The following DGKB variants were observed in gnomAD, a reference collection of about 807,000 sequenced individuals.
DGKB encodes the protein 90 kDa diacylglycerol kinase.
DGKB carries 67 observed loss-of-function variants against 114.3 expected under a neutral mutation model. That is an observed-to-expected ratio of 0.59 (90% CI 0.48 to 0.72). DGKB has a LOEUF of 0.72. Ranked by LOEUF, DGKB falls within the 30% of genes least tolerant of loss-of-function variation. DGKB has a pLI of 0.00. For missense variants in DGKB, 907 were observed against 975.2 expected (o/e 0.93, Z 0.93); for synonymous variants, 398 against 323.1 (o/e 1.23, Z -2.49).
At chr7:14,262,335 G>T (rs930682084) in intron 23 of DGKB, among the ~76,000 whole-genome samples, 2 of 152,164 alleles carry the variant, frequency 1.3e-5, no homozygotes, top group African/African-American at 4.8e-5. Flanking sequence ...AGGTAATTAG[G>T]TCATGAGGGT....
chr7:14,554,810 C>A (rs1228110680), intron 20 of DGKB, among the ~76,000 whole-genome samples: 1 of 151,968 alleles, frequency 6.6e-6, no homozygotes, highest in Non-Finnish European at 1.5e-5. Context: ...GGATTTTTTT[C>A]ATCTGGCTAT....
At chr7:14,692,612 T>C (rs1025669445) in intron 9 of DGKB, among the ~76,000 whole-genome samples, 1 of 151,620 alleles carries the variant, frequency 6.6e-6, no homozygotes, top group African/African-American at 2.4e-5. Context: ...TTATGTGTAG[T>C]ATAAGAAATT....
intron 13 of DGKB, among the ~76,000 whole-genome samples, chr7:14,647,587 T>C (rs2128889376): frequency 6.6e-6 from 1 of 151,798 alleles, no homozygotes; most frequent in East Asian, 2.0e-4. Context: ...CTCTACCAAA[T>C]AATAGCAAAG....
chr7:14,340,683 T>A (rs1295108353), intron 22 of DGKB, among the ~76,000 whole-genome samples: 1 of 151,690 alleles, frequency 6.6e-6, no homozygotes, highest in Non-Finnish European at 1.5e-5. Context: ...CATATTTAAG[T>A]ATTACACGAA....
chr7:14,825,034 A>ATATATC (rs1562636831), intron 2 of DGKB, among the ~76,000 whole-genome samples: 11 of 141,668 alleles, frequency 7.8e-5, no homozygotes, highest in African/African-American at 2.8e-4. Flanking sequence ...ATATATATAT[A>ATATATC]TATATATATA....
chr7:14,834,245 G>C (rs1259883703), intron 2 of DGKB, among the ~76,000 whole-genome samples: 1 of 152,068 alleles, frequency 6.6e-6, no homozygotes, highest in Non-Finnish European at 1.5e-5. Flanking sequence ...TTTATAGGTA[G>C]GGATTATTAT....
intron 22 of DGKB, among the ~76,000 whole-genome samples, chr7:14,343,199 A>ACACACACAC (rs1554366272): frequency 5.5e-5 from 8 of 146,464 alleles, no homozygotes; most frequent in African/African-American, 1.3e-4. Context: ...ACACACACAC[A>ACACACACAC]ACAAGATATG....
chr7:14,659,416 A>C (rs569748489), intron 13 of DGKB, among the ~76,000 whole-genome samples: 1 of 151,524 alleles, frequency 6.6e-6, no homozygotes, highest in Admixed American at 6.6e-5. Flanking sequence ...CTTGAGCAGT[A>C]GTTTGTAGTT....
intron 2 of DGKB, among the ~76,000 whole-genome samples, chr7:14,800,234 C>G (rs1012109903): frequency 3.3e-5 from 5 of 152,168 alleles, no homozygotes; most frequent in Non-Finnish European, 7.3e-5. Context: ...TTTTCAAAAA[C>G]AGCTATGGTC....
chr7:14,592,751 GTTATTTCATGTTT>G (rs908597201), intron 17 of DGKB, among the ~76,000 whole-genome samples: 2 of 151,416 alleles, frequency 1.3e-5, no homozygotes, highest in Non-Finnish European at 3.0e-5. Context: ...TGGGGGAAAG[GTTATTTCATGTTT>G]TTCTCTGTGG....
intron 23 of DGKB, among the ~76,000 whole-genome samples, chr7:14,270,169 AAGTGATGC>A (rs1167688412): frequency 1.3e-5 from 2 of 152,032 alleles, no homozygotes; most frequent in East Asian, 3.9e-4. Context: ...AAATTGTCAA[AAGTGATGC>A]AGTTCTAGCC....
At chr7:14,189,622 CAAAAT>C (rs1310810385) in intron 23 of DGKB, among the ~76,000 whole-genome samples, 5 of 151,550 alleles carry the variant, frequency 3.3e-5, no homozygotes, top group East Asian at 1.9e-4. Flanking sequence ...GCTGAATAGG[CAAAAT>C]AAAATAAAAT....
At chr7:14,577,271 G>T (rs756091044) in intron 19 of DGKB, among the ~76,000 whole-genome samples, 9 of 152,196 alleles carry the variant, frequency 5.9e-5, no homozygotes, top group African/African-American at 1.2e-4. Context: ...AAAAGTCATA[G>T]AAATTTTTGC....
intron 2 of DGKB, among the ~76,000 whole-genome samples, chr7:14,774,617 A>T (rs530725227): frequency 6.6e-6 from 1 of 152,320 alleles, no homozygotes; most frequent in East Asian, 1.9e-4. Flanking sequence ...AATATCAATT[A>T]TTCTTTTCTC....
chr7:14,937,963 A>C (rs761469737), intron 1 of DGKB, among the ~76,000 whole-genome samples: 2 of 152,196 alleles, frequency 1.3e-5, no homozygotes, highest in Non-Finnish European at 2.9e-5. Flanking sequence ...AACATGTGTT[A>C]GTTGACTGTT....
intron 23 of DGKB, among the ~76,000 whole-genome samples, chr7:14,204,139 C>G (rs1786364591): frequency 6.6e-6 from 1 of 151,936 alleles, no homozygotes; most frequent in South Asian, 2.1e-4. Context: ...AAAATATTCT[C>G]CATTAATGTT....
rs180826534 is a variant in DGKB, at chr7:14,379,854, G to A, written c.1836-34463C>T. ...ATTACAGGCGTGAGCGAGCGGGCCC[G>A]GCCTTAAGCAGTTGCTTTTAATACA... On this transcript the variant is annotated intron_variant, in intron 21 of 25. Transcript: ENST00000402815. Among the ~76,000 whole-genome samples the A allele has an allele frequency of 7.0e-3, 1,040 of 147,768 alleles. 10 individuals are homozygous for A. The highest frequency in any genetic ancestry group is 0.021 in the African/African-American group (824 of 40,072).
chr7:14,551,229 T>C (rs1382596618), intron 20 of DGKB, among the ~76,000 whole-genome samples: 1 of 152,210 alleles, frequency 6.6e-6, no homozygotes, highest in Non-Finnish European at 1.5e-5. Flanking sequence ...AATATATATG[T>C]GTAGTAAAAG....
At chr7:14,327,994 A>T (rs1177478677) in intron 23 of DGKB, among the ~76,000 whole-genome samples, 1 of 152,162 alleles carries the variant, frequency 6.6e-6, no homozygotes, top group Non-Finnish European at 1.5e-5. Context: ...TATGGAAGTC[A>T]CATTTTTGTG....
Sources: gnomAD v4.1 joint callset for allele counts (sites outside exome capture counted in the v4.1 genomes callset) on GRCh38, gnomAD v4.1.1 for gene constraint, MANE v1.5 for transcripts, NCBI Gene and HGNC (gene_info 2026-07-23, HGNC 2026-07-21) for gene names.